Variants in CNTN5 observed in about 807,000 individuals in gnomAD.
CNTN5 encodes the protein contactin-5.
In CNTN5, 77 loss-of-function variants were observed where a neutral mutation model predicts 129.1. The ratio of observed to expected loss-of-function variants is 0.60; its 90% CI spans 0.50 to 0.72. The LOEUF (loss-of-function observed/expected upper bound fraction) is 0.72, where lower values mean the gene tolerates loss of function less well. Ranked by LOEUF, CNTN5 falls within the 30% of genes least tolerant of loss-of-function variation. The probability of loss-of-function intolerance (pLI) is 0.00; values close to 1 mark genes in which losing one functional copy is unlikely to be tolerated. For missense variants in CNTN5, 1,478 were observed against 1,328.8 expected (o/e 1.11, Z -1.75); for synonymous variants, 509 against 465.6 (o/e 1.09, Z -1.20).
intron 4 of CNTN5, among the ~76,000 whole-genome samples, chr11:99,826,265 A>G (rs1482727615): frequency 1.3e-5 from 2 of 152,192 alleles, no homozygotes; most frequent in Non-Finnish European, 2.9e-5. Flanking sequence ...AAAATGTCTT[A>G]TAATGACATT....
chr11:99,912,055 G>A (rs1315149593), intron 6 of CNTN5, among the ~76,000 whole-genome samples: 1 of 151,856 alleles, frequency 6.6e-6, no homozygotes, highest in East Asian at 1.9e-4. Flanking sequence ...TATTATTGAG[G>A]CAGATACATA....
chr11:100,036,249 G>C (rs376532387), intron 9 of CNTN5, among the ~76,000 whole-genome samples: 27 of 148,802 alleles, frequency 1.8e-4, no homozygotes, highest in East Asian at 3.9e-4. Flanking sequence ...GCTTGTTTTT[G>C]TCAGGTTTGT....
intron 2 of CNTN5, among the ~76,000 whole-genome samples, chr11:99,418,001 G>C (rs1000959467): frequency 1.3e-5 from 2 of 152,076 alleles, no homozygotes; most frequent in Admixed American, 1.3e-4. Context: ...TCAGATTTAT[G>C]AATATATAGC....
chr11:99,809,058 A>G (rs925688027), intron 3 of CNTN5, among the ~76,000 whole-genome samples: 1 of 152,310 alleles, frequency 6.6e-6, no homozygotes, highest in Non-Finnish European at 1.5e-5. Context: ...TGTCCCTACC[A>G]TCTTGTTTAC....
At chr11:100,008,529 A>G (rs563038146) in intron 9 of CNTN5, among the ~76,000 whole-genome samples, 25 of 152,236 alleles carry the variant, frequency 1.6e-4, no homozygotes, top group Admixed American at 1.2e-3. Flanking sequence ...TGTTCTAGGG[A>G]CTGTCATATC....
intron 1 of CNTN5, among the ~76,000 whole-genome samples, chr11:99,151,692 G>A (rs1860065193): frequency 6.6e-6 from 1 of 152,070 alleles, no homozygotes; most frequent in African/African-American, 2.4e-5. Context: ...AGAAAATGTG[G>A]CACATATACA....
At chr11:99,426,897 T>C (rs1313331277) in intron 2 of CNTN5, among the ~76,000 whole-genome samples, 1 of 152,214 alleles carries the variant, frequency 6.6e-6, no homozygotes, top group African/African-American at 2.4e-5. Flanking sequence ...AACTTAACAG[T>C]ACAGGGACTC....
chr11:99,728,307 C>T (rs1442769674), intron 3 of CNTN5, among the ~76,000 whole-genome samples: 3 of 152,094 alleles, frequency 2.0e-5, no homozygotes, highest in Non-Finnish European at 4.4e-5. Context: ...AAGGATAAAT[C>T]TTAAGGCCTT....
chr11:99,999,730 C>G (rs1467886300), intron 8 of CNTN5, among the ~76,000 whole-genome samples: 2 of 152,142 alleles, frequency 1.3e-5, no homozygotes, highest in Non-Finnish European at 2.9e-5. Flanking sequence ...CAGCACTATT[C>G]ACAATAGCAA....
intron 3 of CNTN5, among the ~76,000 whole-genome samples, chr11:99,727,343 C>A (rs981292317): frequency 9.1e-5 from 12 of 131,674 alleles, no homozygotes; most frequent in African/African-American, 3.2e-4. Flanking sequence ...AATTCCAGGG[C>A]ATTGTGCTGC....
chr11:100,319,151 T>C (rs1951631453), intron 21 of CNTN5, among the ~76,000 whole-genome samples: 1 of 148,894 alleles, frequency 6.7e-6, no homozygotes, highest in Admixed American at 6.7e-5. Flanking sequence ...TCTTTTTCTT[T>C]TCTTTTTTTT....
At chr11:99,963,147 G>C (rs372412606) in intron 8 of CNTN5, among the ~76,000 whole-genome samples, 9 of 152,004 alleles carry the variant, frequency 5.9e-5, no homozygotes, top group Non-Finnish European at 1.0e-4. Flanking sequence ...TGCTGTGCAG[G>C]AGCTCTTTAG....
At chr11:99,948,474 G>A (rs1189250605) in intron 7 of CNTN5, among the ~76,000 whole-genome samples, 1 of 152,098 alleles carries the variant, frequency 6.6e-6, no homozygotes, top group Non-Finnish European at 1.5e-5. Context: ...GGTCTGGTGA[G>A]TGAAATCTAG....
At chr11:99,756,866 A>T (rs1394927248) in intron 3 of CNTN5, among the ~76,000 whole-genome samples, 11 of 151,848 alleles carry the variant, frequency 7.2e-5, no homozygotes. Context: ...CTTTTAAAAA[A>T]TTCTAAAACT....
At chr11:100,086,346 C>A (rs1271237300) in intron 13 of CNTN5, among the ~76,000 whole-genome samples, 1 of 149,282 alleles carries the variant, frequency 6.7e-6, no homozygotes, top group Non-Finnish European at 1.5e-5. Flanking sequence ...AACGAGCTAG[C>A]AAGAAGCTAG....
intron 4 of CNTN5, among the ~76,000 whole-genome samples, chr11:99,834,949 G>A (rs1947256161): frequency 6.6e-6 from 1 of 152,184 alleles, no homozygotes; most frequent in Non-Finnish European, 1.5e-5. Flanking sequence ...ATGTAAAGCT[G>A]AGAGAAAGCT....
At chr11:99,733,565 G>A (rs770740209) in intron 3 of CNTN5, among the ~76,000 whole-genome samples, 1 of 152,036 alleles carries the variant, frequency 6.6e-6, no homozygotes, top group Non-Finnish European at 1.5e-5. Context: ...CTCCACAATT[G>A]CTTTTCTAAT....
intron 6 of CNTN5, among the ~76,000 whole-genome samples, chr11:99,850,260 T>A (rs1198483252): frequency 6.6e-6 from 1 of 152,118 alleles, no homozygotes; most frequent in Non-Finnish European, 1.5e-5. Context: ...ATTTATTGAA[T>A]AACATACAGT....
chr11:99,135,558 G>C (rs1591256042), intron 1 of CNTN5, among the ~76,000 whole-genome samples: 1 of 152,094 alleles, frequency 6.6e-6, no homozygotes. Context: ...CTATGCCATG[G>C]TAAGGAATTT....
Sources: gnomAD v4.1 joint callset for allele counts (sites outside exome capture counted in the v4.1 genomes callset) on GRCh38, gnomAD v4.1.1 for gene constraint, MANE v1.5 for transcripts, NCBI Gene and HGNC (gene_info 2026-07-23, HGNC 2026-07-21) for gene names.